SEMA3A: variants seen among roughly 807,000 people sequenced by gnomAD.
SEMA3A encodes semaphorin-3A.
In SEMA3A, 29 loss-of-function variants were observed where a neutral mutation model predicts 97.9. The ratio of observed to expected loss-of-function variants is 0.30; its 90% CI spans 0.22 to 0.40. SEMA3A has a LOEUF of 0.40. SEMA3A is among the 10% of genes least tolerant of loss of function. SEMA3A has a pLI of 1.00. For missense variants in SEMA3A, 763 were observed against 951.3 expected, an observed-to-expected ratio of 0.80 and a Z score of 2.60; for synonymous variants, 321 against 323.7, an observed-to-expected ratio of 0.99 and a Z score of 0.09.
At chr7:84,200,338 A>C (rs758484346) in intron 3 of SEMA3A, among the ~76,000 whole-genome samples, 10 of 152,148 alleles carry the variant, frequency 6.6e-5, no homozygotes, top group Non-Finnish European at 1.5e-4. Context: ...ATAGTCATTA[A>C]TGATGGCGGT....
intron 1 of SEMA3A, among the ~76,000 whole-genome samples, chr7:84,167,610 T>C (rs929467089): frequency 2.0e-5 from 3 of 152,046 alleles, no homozygotes; most frequent in African/African-American, 7.2e-5. Context: ...GCAGAAACTA[T>C]GAGGTGGGGT....
intron 3 of SEMA3A, among the ~76,000 whole-genome samples, chr7:84,266,008 T>G (rs1283904784): frequency 6.6e-6 from 1 of 152,020 alleles, no homozygotes; most frequent in East Asian, 1.9e-4. Context: ...TTTGGATAGG[T>G]CAGAGTAACA....
At chr7:84,373,880 G>A (rs868222579) in intron 1 of SEMA3A, among the ~76,000 whole-genome samples, 36 of 152,282 alleles carry the variant, frequency 2.4e-4, no homozygotes, top group African/African-American at 8.7e-4. Flanking sequence ...ATTAACATTA[G>A]TATTTACTAT....
At chr7:84,340,360 T>C (rs1172565687) in intron 2 of SEMA3A, among the ~76,000 whole-genome samples, 1 of 152,168 alleles carries the variant, frequency 6.6e-6, no homozygotes, top group Non-Finnish European at 1.5e-5. Flanking sequence ...AGTTTAGCCA[T>C]AGAATCATAC....
rs141294601 is a variant in SEMA3A, at chr7:84,175,426, A to G, written c.112+19049T>C. Reference sequence around the variant, plus strand: ...AACCTTATTTCAAAATGCATTATGTATGAACATTAGGAAAGACTGATCTCA... The same window carrying G: ...AACCTTATTTCAAAATGCATTATGTGTGAACATTAGGAAAGACTGATCTCA... On this transcript the variant is annotated intron_variant, in intron 1 of 16. Transcript: ENST00000265362. Among the ~76,000 whole-genome samples the G allele has an allele frequency of 7.9e-5, 12 of 152,362 alleles. 1 individual carries two copies. In the East Asian group the frequency reaches 2.1e-3, roughly 27 times the overall value.
chr7:84,347,772 T>G (rs1237855959), intron 2 of SEMA3A, among the ~76,000 whole-genome samples: 2 of 152,084 alleles, frequency 1.3e-5, no homozygotes, highest in African/African-American at 4.8e-5. Flanking sequence ...TATGATCCCT[T>G]TCTTATGACG....
At chr7:84,159,191 A>G (rs1365032031) in intron 1 of SEMA3A, among the ~76,000 whole-genome samples, 1 of 152,154 alleles carries the variant, frequency 6.6e-6, no homozygotes, top group East Asian at 1.9e-4. Flanking sequence ...CTGCCACTGT[A>G]CATAGTACAT....
chr7:84,357,163 G>A (rs908159592), intron 2 of SEMA3A, among the ~76,000 whole-genome samples: 6 of 150,792 alleles, frequency 4.0e-5, no homozygotes, highest in African/African-American at 4.9e-5. Flanking sequence ...AAGTTCTAGG[G>A]TACATGTGCA....
chr7:84,374,900 A>G (rs940263301), intron 1 of SEMA3A, among the ~76,000 whole-genome samples: 4 of 152,242 alleles, frequency 2.6e-5, no homozygotes, highest in Non-Finnish European at 5.9e-5. Flanking sequence ...TAGCCTCTGC[A>G]TGTGACAGAA....
intron 14 of SEMA3A, among the ~76,000 whole-genome samples, chr7:83,981,079 G>T (rs1789394588): frequency 6.6e-6 from 1 of 152,062 alleles, no homozygotes; most frequent in African/African-American, 2.4e-5. Flanking sequence ...GAGTATTTTG[G>T]TCTAAAGGGA....
At chr7:84,043,062 A>G (rs1792206869) in intron 6 of SEMA3A, among the ~76,000 whole-genome samples, 1 of 152,054 alleles carries the variant, frequency 6.6e-6, no homozygotes, top group African/African-American at 2.4e-5. Context: ...AAATACTGGT[A>G]CATCATGCCA....
intron 3 of SEMA3A, among the ~76,000 whole-genome samples, chr7:84,266,313 C>CAAAAAAAAAAAAAAAAAAAAAAAA (rs57809084): frequency 1.4e-5 from 1 of 70,484 alleles, no homozygotes. Flanking sequence ...GATTTGGTCT[C>CAAAAAAAAAAAAAAAAAAAAAAAA]AAAAAAAAAA....
intron 3 of SEMA3A, among the ~76,000 whole-genome samples, chr7:84,207,084 T>C (rs955437325): frequency 6.6e-6 from 1 of 152,244 alleles, no homozygotes; most frequent in African/African-American, 2.4e-5. Flanking sequence ...TTTACACATA[T>C]TCATCCTGTC....
chr7:84,099,753 T>C (rs573094233), intron 4 of SEMA3A, among the ~76,000 whole-genome samples: 1 of 152,288 alleles, frequency 6.6e-6, no homozygotes, highest in African/African-American at 2.4e-5. Flanking sequence ...TGTTTTCATT[T>C]GAGAATTGTA....
chr7:84,353,890 G>A (rs1802493706), intron 2 of SEMA3A, among the ~76,000 whole-genome samples: 1 of 151,362 alleles, frequency 6.6e-6, no homozygotes, highest in Non-Finnish European at 1.5e-5. Context: ...TTTTTAAACT[G>A]TATGTTACAT....
rs890622877 is a variant in SEMA3A at position 84,201,899 on chromosome 7, AG to A, written c.-82-7232del. Among the ~76,000 whole-genome samples the A allele has an allele frequency of 5.7e-4, 87 of 152,212 alleles. 1 individual carries two copies. Among genetic ancestry groups the A allele is most frequent in the African/African-American group, 2.0e-3 (84 of 41,564 alleles). On this transcript the variant is annotated intron_variant, in intron 3 of 3. Transcript: ENST00000424555. ...TTGATACATAACTTTGGTGACTTAA[AG>A]CACTTTAAAGATCCCCAAACATCTA...
At chr7:84,469,467 T>C (rs995290941) in intron 1 of SEMA3A, among the ~76,000 whole-genome samples, 1 of 152,170 alleles carries the variant, frequency 6.6e-6, no homozygotes. Context: ...AGCAGCTGCT[T>C]TCACTTGGAT....
intron 3 of SEMA3A, among the ~76,000 whole-genome samples, chr7:84,263,263 G>GC (rs1214751973): frequency 2.0e-5 from 3 of 152,064 alleles, no homozygotes; most frequent in Non-Finnish European, 4.4e-5. Context: ...CAAAGAGCCG[G>GC]CATGTGTAGG....
intron 15 of SEMA3A, among the ~76,000 whole-genome samples, chr7:83,965,465 C>A (rs10231403): frequency 0.16 from 23,557 of 150,446 alleles, 2,170 homozygotes; most frequent in Non-Finnish European, 0.21. Flanking sequence ...CTTGCATAAT[C>A]TGCTAAAGCT....
Sources: allele counts gnomAD v4.1 joint callset (sites outside exome capture counted in the v4.1 genomes callset), GRCh38; gene constraint gnomAD v4.1.1; transcripts MANE v1.5; gene names NCBI Gene and HGNC (gene_info 2026-07-23, HGNC 2026-07-21).